ADGRE3: variants seen among roughly 807,000 people sequenced by gnomAD.
ADGRE3 encodes the protein EGF-like module receptor 3.
A neutral mutation model predicts 80.1 loss-of-function variants in ADGRE3; 88 were observed. That is an observed-to-expected ratio of 1.10 (90% CI 0.93 to 1.31). ADGRE3 has a LOEUF of 1.31. Among genes scored for constraint, ADGRE3 ranks in the 40% most tolerant of loss-of-function variants. The probability of loss-of-function intolerance (pLI) is 0.00; values close to 1 mark genes in which losing one functional copy is unlikely to be tolerated. For missense variants in ADGRE3, 715 were observed against 776.5 expected, an observed-to-expected ratio of 0.92 and a Z score of 0.94; for synonymous variants, 281 against 294.8, an observed-to-expected ratio of 0.95 and a Z score of 0.48.
the ADGRE3 span, among the ~76,000 whole-genome samples, chr19:14,612,483 C>T: frequency 1.3e-5 from 2 of 151,974 alleles, no homozygotes; most frequent in Admixed American, 1.3e-4. Flanking sequence ...TACAGGTGTG[C>T]ACCACCGTGC....
chr19:14,602,880 C>T, the ADGRE3 span, among the ~76,000 whole-genome samples: 22 of 152,002 alleles, frequency 1.4e-4, no homozygotes, highest in East Asian at 7.8e-4. Flanking sequence ...GGATTACAGG[C>T]GCCCACCACC....
At chr19:14,630,506 T>C (rs1944627087) in intron 13 of ADGRE3, among the ~76,000 whole-genome samples, 1 of 152,014 alleles carries the variant, frequency 6.6e-6, no homozygotes, top group African/African-American at 2.4e-5. Context: ...CCTCCAGGGT[T>C]CAAGTGATTC....
At position 14,647,313 on chromosome 19, in the gene ADGRE3, A is replaced by G; in HGVS notation, c.750T>C (p.Asn250=). ...ISYSSLGNII[N]ATFFEEMDKK... ...TATCCATCTCTTCAAAAAAAGTTGC[A>G]TTTATGATGTTTCCAAGAGAAGAAT... Residue 250 remains asparagine, a synonymous_variant, in exon 8 of 16, where the codon AAT becomes AAC. Transcript: ENST00000253673. 2 of 1,613,102 alleles carry G rather than the reference A, an allele frequency of 1.2e-6. No homozygotes were observed. Among genetic ancestry groups the G allele is most frequent in the Non-Finnish European group, 1.7e-6 (2 of 1,179,202 alleles).
intron 14 of ADGRE3, among the ~76,000 whole-genome samples, chr19:14,626,203 G>A (rs1390223281): frequency 6.6e-6 from 1 of 152,106 alleles, no homozygotes; most frequent in Non-Finnish European, 1.5e-5. Flanking sequence ...TTGAGAGGCC[G>A]AGGCGGGTGG....
At chr19:14,634,822 T>C (rs917519046) in intron 11 of ADGRE3, among the ~76,000 whole-genome samples, 2 of 151,288 alleles carry the variant, frequency 1.3e-5, no homozygotes, top group African/African-American at 4.9e-5. Flanking sequence ...GGTCGGGGGT[T>C]CAGGGCCTGG....
At chr19:14,600,555 T>C in the ADGRE3 span, among the ~76,000 whole-genome samples, 1 of 152,112 alleles carries the variant, frequency 6.6e-6, no homozygotes, top group Non-Finnish European at 1.5e-5. Flanking sequence ...TACATTAGTA[T>C]GCCAGTCGGA....
At chr19:14,638,812 A>C (rs1052044616) in intron 10 of ADGRE3, among the ~76,000 whole-genome samples, 6 of 151,916 alleles carry the variant, frequency 3.9e-5, no homozygotes, top group African/African-American at 9.7e-5. Flanking sequence ...ACCTCTGAGA[A>C]CCTCCATTCT....
chr19:14,625,251 A>G (rs1970705485), intron 15 of ADGRE3, among the ~76,000 whole-genome samples: 1 of 152,194 alleles, frequency 6.6e-6, no homozygotes, highest in Admixed American at 6.5e-5. Flanking sequence ...AAATGCTGGG[A>G]TTACAGGCAT....
intron 1 of ADGRE3, among the ~76,000 whole-genome samples, chr19:14,674,135 G>A (rs1301295194): frequency 6.6e-6 from 1 of 152,180 alleles, no homozygotes; most frequent in African/African-American, 2.4e-5. Context: ...GGCAGGGCTA[G>A]TTTGCAGAAG....
the ADGRE3 span, among the ~76,000 whole-genome samples, chr19:14,605,512 C>T: frequency 2.6e-5 from 4 of 152,272 alleles, no homozygotes; most frequent in Middle Eastern, 3.4e-3. Context: ...TTGACAAATG[C>T]GTACACCTGT....
intron 3 of ADGRE3, among the ~76,000 whole-genome samples, chr19:14,662,620 A>T (rs1443434263): frequency 1.3e-5 from 2 of 152,048 alleles, no homozygotes; most frequent in African/African-American, 4.8e-5. Context: ...TCCTGACCTC[A>T]GGTGATCCAC....
chr19:14,607,023 C>T, the ADGRE3 span: 42 of 1,319,234 alleles, frequency 3.2e-5, no homozygotes, highest in South Asian at 8.4e-5. Flanking sequence ...TGGCTCTCCA[C>T]GGGTGTACTG....
chr19:14,607,641 T>C, the ADGRE3 span, among the ~76,000 whole-genome samples: 3 of 151,986 alleles, frequency 2.0e-5, no homozygotes, highest in Non-Finnish European at 4.4e-5. Context: ...AATGGTGCGA[T>C]CTCAGCTCAC....
downstream of ADGRE3, among the ~76,000 whole-genome samples, chr19:14,614,328 C>T (rs189824285): frequency 1.7e-3 from 253 of 152,264 alleles, no homozygotes; most frequent in Admixed American, 2.7e-3. Flanking sequence ...TCTGTGGTCA[C>T]GTCTCTAGGA....
the ADGRE3 span, among the ~76,000 whole-genome samples, chr19:14,601,760 C>G: frequency 2.0e-5 from 3 of 152,080 alleles, no homozygotes; most frequent in Non-Finnish European, 4.4e-5. Context: ...CTAGGACAAC[C>G]AGGCACTTGC....
chr19:14,668,769 C>T (rs759112025), intron 2 of ADGRE3, 33 bp downstream of exon 2: 1 of 1,606,442 alleles, frequency 6.2e-7, no homozygotes, highest in Non-Finnish European at 8.5e-7. Context: ...GCCCTTGGTC[C>T]ACAAGTTCTC....
rs1555755833 is a variant in ADGRE3, at chr19:14,636,141, T to TTCTTCCTTCCTTC, written c.1484+1963_1484+1964insGAAGGAAGGAAGA. Reference sequence around the variant, plus strand: ...TTCTTTCTTTCTTTCTTTCTTTCTTTCTTTCTTTCTTCCTTTCCTCCTTTC... The same window carrying TTCTTCCTTCCTTC: ...TTCTTTCTTTCTTTCTTTCTTTCTTTTCTTCCTTCCTTCCTTTCTTTCTTCCTTTCCTCCTTTC... On this transcript the variant is annotated intron_variant, in intron 11 of 15. Coordinates refer to ENST00000253673, the MANE Select transcript of ADGRE3 (RefSeq NM_032571.5). Among the ~76,000 whole-genome samples, 24 of 15,542 alleles carry TTCTTCCTTCCTTC rather than the reference T, an allele frequency of 1.5e-3. 1 individual carries two copies. The highest frequency in any genetic ancestry group is 3.6e-3 in the African/African-American group (23 of 6,390). The allele number at this position is 15,542 out of a possible 152,430, so 10.2% of individuals were successfully genotyped here. A position where few individuals can be genotyped will look rare whatever the true frequency, so the allele number is the denominator to read the frequency against.
intron 11 of ADGRE3, among the ~76,000 whole-genome samples, chr19:14,635,409 A>ATT (rs1253660919): frequency 2.3e-4 from 28 of 120,634 alleles, no homozygotes; most frequent in African/African-American, 3.1e-4. Flanking sequence ...CTGGTCTTCC[A>ATT]TTTTTTTTTT....
chr19:14,623,299 T>TAAAAAAATA lies in ADGRE3; in HGVS notation c.1920+2192_1920+2193insTATTTTTTT, dbSNP rs1335188403. Among the ~76,000 whole-genome samples the TAAAAAAATA allele has an allele frequency of 1.6e-3, 26 of 16,690 alleles. 8 individuals are homozygous for TAAAAAAATA. The highest frequency in any genetic ancestry group is 2.9e-3 in the African/African-American group (26 of 9,046). 10.9% of individuals were successfully genotyped at this position (16,690 alleles called of 152,430 possible). A position where few individuals can be genotyped will look rare whatever the true frequency, so the allele number is the denominator to read the frequency against. On this transcript the variant is annotated intron_variant, in intron 15 of 15. Transcript: ENST00000253673. Reference sequence around the variant, plus strand: ...CCTAAAATACTTAAAAAAAAAAAAATAAAAAAAAAAAAAAATAAAACTCCT... The same window carrying TAAAAAAATA: ...CCTAAAATACTTAAAAAAAAAAAAATAAAAAAATAAAAAAAAAAAAAAAATAAAACTCCT...
Sources: gnomAD v4.1 joint callset for allele counts (sites outside exome capture counted in the v4.1 genomes callset) on GRCh38, gnomAD v4.1.1 for gene constraint, MANE v1.5 for transcripts, NCBI Gene and HGNC (gene_info 2026-07-23, HGNC 2026-07-21) for gene names.